The following ZNF618 variants were observed in gnomAD, a reference collection of about 807,000 sequenced individuals.
ZNF618 encodes the protein neural precursor cell expressed, developmentally down-regulated 10.
A neutral mutation model predicts 103.0 loss-of-function variants in ZNF618; 34 were observed. The observed-to-expected ratio is 0.33, with a 90% CI of 0.25 to 0.44. ZNF618 has a LOEUF of 0.44. Among genes scored for constraint, ZNF618 ranks in the 20% least tolerant of loss-of-function variants. The probability of loss-of-function intolerance (pLI) is 1.00; values close to 1 mark genes in which losing one functional copy is unlikely to be tolerated. For missense variants in ZNF618, 1,059 were observed against 1,295.4 expected, an observed-to-expected ratio of 0.82 and a Z score of 2.80; for synonymous variants, 551 against 542.2, an observed-to-expected ratio of 1.02 and a Z score of -0.23.
At chr9:114,007,056 A>C (rs1841813572) in intron 6 of ZNF618, among the ~76,000 whole-genome samples, 1 of 152,188 alleles carries the variant, frequency 6.6e-6, no homozygotes, top group Non-Finnish European at 1.5e-5. Context: ...GTCAGTTACC[A>C]GGTCTAGTCC....
intron 1 of ZNF618, among the ~76,000 whole-genome samples, chr9:113,935,071 G>A (rs1181578429): frequency 6.6e-6 from 1 of 152,238 alleles, no homozygotes; most frequent in African/African-American, 2.4e-5. Context: ...CACAAGGCTG[G>A]TCAGGGGTGA....
chr9:113,888,380 C>T (rs557850758), intron 1 of ZNF618, among the ~76,000 whole-genome samples: 4 of 152,378 alleles, frequency 2.6e-5, no homozygotes, highest in Admixed American at 2.6e-4. Flanking sequence ...CCCCCAGCTC[C>T]CCATGAGCCT....
rs957591208 is a variant in ZNF618, at chr9:114,022,202, A to G, written c.844+5418A>G. Among the ~76,000 whole-genome samples the G allele has an allele frequency of 5.3e-5, 8 of 152,116 alleles. No homozygotes were observed. The South Asian group carries it at 1.2e-3, about 24-fold the overall frequency. On this transcript the variant is annotated intron_variant, in intron 10 of 14. Coordinates refer to ENST00000374126, the MANE Select transcript of ZNF618 (RefSeq NM_001318042.2). ...TTTTCCAAAGTAGTTGTGCCATTTTACATTCCAACCAGCAGTACAATTTTC... is the reference window on the plus strand; with the variant it reads ...TTTTCCAAAGTAGTTGTGCCATTTTGCATTCCAACCAGCAGTACAATTTTC...
chr9:113,894,918 A>G (rs1202784091), intron 1 of ZNF618, among the ~76,000 whole-genome samples: 1 of 152,040 alleles, frequency 6.6e-6, no homozygotes, highest in Non-Finnish European at 1.5e-5. Flanking sequence ...ATCTTTTACA[A>G]TATTGTACTT....
At chr9:113,982,407 G>A (rs1839057958) in intron 2 of ZNF618, among the ~76,000 whole-genome samples, 1 of 151,858 alleles carries the variant, frequency 6.6e-6, no homozygotes, top group African/African-American at 2.4e-5. Context: ...TACCTCTCGG[G>A]GCGCATTGCC....
chr9:113,975,691 T>A (rs1838403869), intron 2 of ZNF618, among the ~76,000 whole-genome samples: 1 of 152,064 alleles, frequency 6.6e-6, no homozygotes, highest in African/African-American at 2.4e-5. Context: ...AAAAATAAAT[T>A]AAAAATCCAG....
At chr9:113,908,124 C>G (rs1300354348) in intron 1 of ZNF618, among the ~76,000 whole-genome samples, 2 of 146,706 alleles carry the variant, frequency 1.4e-5, no homozygotes, top group African/African-American at 5.1e-5. Context: ...CTCGGGCAGT[C>G]AAAAGAATCT....
At chr9:113,951,444 T>TATATGTGTGTATATATATACACAC (rs1835646468) in intron 1 of ZNF618, among the ~76,000 whole-genome samples, 1 of 2,082 alleles carries the variant, frequency 4.8e-4, no homozygotes. Context: ...TATATATACA[T>TATATGTGTGTATATATATACACAC]ATATGTGTAT....
intron 1 of ZNF618, among the ~76,000 whole-genome samples, chr9:113,923,671 G>C (rs1476611415): frequency 1.3e-5 from 2 of 151,974 alleles, no homozygotes; most frequent in African/African-American, 2.4e-5. Flanking sequence ...AACATTTTTA[G>C]GTTCAATTTT....
At chr9:113,984,852 A>C (rs1245536433) in intron 2 of ZNF618, among the ~76,000 whole-genome samples, 2 of 152,164 alleles carry the variant, frequency 1.3e-5, no homozygotes, top group Admixed American at 1.3e-4. Flanking sequence ...TATCAGCTTC[A>C]TCAGCATGAC....
At chr9:113,916,019 T>G (rs1300219866) in intron 1 of ZNF618, among the ~76,000 whole-genome samples, 1 of 152,104 alleles carries the variant, frequency 6.6e-6, no homozygotes, top group Non-Finnish European at 1.5e-5. Context: ...AAGGAGATAG[T>G]ATTATCTCTT....
At chr9:113,956,365 T>A (rs1216837202) in intron 1 of ZNF618, among the ~76,000 whole-genome samples, 1 of 152,086 alleles carries the variant, frequency 6.6e-6, no homozygotes, top group Non-Finnish European at 1.5e-5. Flanking sequence ...GACCTCAGAA[T>A]CTTTCTCAAC....
At chr9:114,020,299 A>G (rs1157245196) in intron 10 of ZNF618, among the ~76,000 whole-genome samples, 1 of 152,066 alleles carries the variant, frequency 6.6e-6, no homozygotes, top group African/African-American at 2.4e-5. Flanking sequence ...CTATTCTAGA[A>G]ACTTTATTCT....
At chr9:114,029,695 T>C (rs1843834165) in intron 11 of ZNF618, among the ~76,000 whole-genome samples, 1 of 152,196 alleles carries the variant, frequency 6.6e-6, no homozygotes, top group African/African-American at 2.4e-5. Context: ...GCCGGATGGT[T>C]GACCTAGATC....
rs115967674 is a variant in ZNF618 at position 113,988,411 on chromosome 9, G to A, written c.168G>A (p.Thr56=). The change falls in exon 3 of 15, where the codon ACG becomes ACA. Residue 56 remains threonine, a synonymous_variant. Coordinates refer to ENST00000374126, the MANE Select transcript of ZNF618 (RefSeq NM_001318042.2). The stretch of plus-strand genomic sequence containing the variant: ...CCTCGCTGAGTGCCGAGCAAGGAAC[G>A]ATGACGGAGGTGAAGGTGAAGACAG... ...AEASLSAEQG[T]MTEVKVKTEL... is the part of the protein sequence containing the mutation. The A allele has an allele frequency of 2.6e-4, 421 of 1,613,694 alleles. 3 individuals carry two copies. In the African/African-American group the frequency reaches 5.0e-3, roughly 19 times the overall value.
In ZNF618 at chr9:114,048,743, C is replaced by G; in HGVS notation, c.1441C>G (p.Leu481Val). The G allele has an allele frequency of 6.2e-7, 1 of 1,614,040 alleles. No homozygotes were observed. ...ERLLRVMCADLGALSVVSGKE... is the reference protein window; with the variant it reads ...ERLLRVMCADVGALSVVSGKE... ...GCTGTTGAGGGTCATGTGTGCCGACCTGGGTGCACTGAGCGTGGTCAGCGG... is the reference window on the plus strand; with the variant it reads ...GCTGTTGAGGGTCATGTGTGCCGACGTGGGTGCACTGAGCGTGGTCAGCGG... Residue 481 changes from leucine to valine, a missense_variant, in exon 15 of 15, where the codon CTG becomes GTG. Coordinates refer to ENST00000374126, the MANE Select transcript of ZNF618 (RefSeq NM_001318042.2).
At chr9:114,036,690 G>C (rs564609551) in intron 13 of ZNF618, among the ~76,000 whole-genome samples, 2 of 152,224 alleles carry the variant, frequency 1.3e-5, no homozygotes, top group Non-Finnish European at 2.9e-5. Context: ...GAGCTAGCCT[G>C]GAAGCGAAAT....
intron 2 of ZNF618, among the ~76,000 whole-genome samples, chr9:113,970,399 G>A (rs1316407435): frequency 2.0e-5 from 3 of 152,110 alleles, no homozygotes; most frequent in Non-Finnish European, 4.4e-5. Flanking sequence ...GTAGAATAGA[G>A]GCCATTATAC....
At chr9:113,951,354 A>G (rs1835550903) in intron 1 of ZNF618, among the ~76,000 whole-genome samples, 1 of 116,682 alleles carries the variant, frequency 8.6e-6, no homozygotes, top group Admixed American at 8.4e-5. Flanking sequence ...ATTTGTGAAT[A>G]GGGACCTTTT....
Sources: gnomAD v4.1 joint callset for allele counts (sites outside exome capture counted in the v4.1 genomes callset) on GRCh38, gnomAD v4.1.1 for gene constraint, MANE v1.5 for transcripts, NCBI Gene and HGNC (gene_info 2026-07-23, HGNC 2026-07-21) for gene names.